The following PDE10A variants were observed in gnomAD, a reference collection of about 807,000 sequenced individuals.
The protein encoded by PDE10A is cAMP and cAMP-inhibited cGMP 3',5'-cyclic phosphodiesterase 10A.
In PDE10A, 39 loss-of-function variants were observed where a neutral mutation model predicts 97.7. The ratio of observed to expected loss-of-function variants is 0.40; its 90% CI spans 0.31 to 0.52. The LOEUF (loss-of-function observed/expected upper bound fraction) is 0.52, where lower values mean the gene tolerates loss of function less well. PDE10A is among the 20% of genes least tolerant of loss of function. PDE10A has a pLI of 0.56. For synonymous variants in PDE10A, 371 were observed against 376.8 expected (o/e 0.98, Z 0.18); for missense variants, 731 against 1,047.8 (o/e 0.70, Z 4.17).
At chr6:165,369,130 A>T (rs1784026669) in intron 18 of PDE10A, among the ~76,000 whole-genome samples, 2 of 152,128 alleles carry the variant, frequency 1.3e-5, no homozygotes, top group Non-Finnish European at 2.9e-5. Context: ...AGATGGGGAA[A>T]AAACAGAGCA....
rs539947290 is a variant in PDE10A at position 165,808,062 on chromosome 6, T to C, written c.-615+179467A>G. ...GTCTTGCGGTGTGCAGCCGAATTTC[T>C]ACGGCCTCACGTGCTCTGCTTCTGT... On this transcript the variant is annotated intron_variant, in intron 1 of 19. Transcript: ENST00000366882. Among the ~76,000 whole-genome samples the C allele has an allele frequency of 6.6e-5, 10 of 152,326 alleles. No individual in the cohort carries two copies. In the South Asian group the frequency reaches 1.5e-3, roughly 22 times the overall value.
At chr6:165,721,473 A>T (rs1433592977) in intron 1 of PDE10A, among the ~76,000 whole-genome samples, 1 of 152,224 alleles carries the variant, frequency 6.6e-6, no homozygotes, top group African/African-American at 2.4e-5. Flanking sequence ...TGCAGGAGAC[A>T]CTTTTTGTCA....
At chr6:165,477,979 C>A (rs1236271028) in intron 3 of PDE10A, among the ~76,000 whole-genome samples, 1 of 152,148 alleles carries the variant, frequency 6.6e-6, no homozygotes, top group Non-Finnish European at 1.5e-5. Context: ...GGTCTTGACT[C>A]TTTTCTCCAC....
intron 1 of PDE10A, among the ~76,000 whole-genome samples, chr6:165,657,453 C>T (rs1192181467): frequency 2.6e-5 from 4 of 152,224 alleles, no homozygotes; most frequent in African/African-American, 9.6e-5. Flanking sequence ...TATTTTTTCT[C>T]TCAGATTGCA....
rs577692393 is a variant in PDE10A, at chr6:165,833,394, C to T, written c.-615+154135G>A. 5.3e-5 allele frequency among the ~76,000 whole-genome samples: 8 copies of T among 152,174 alleles called. No individual in the cohort carries two copies. The South Asian group carries it at 1.7e-3, about 32-fold the overall frequency. ...GTGAGGTGGGAAGGCTAATCTCATA[C>T]CCTGGGTGGGAAATACAGAGAGGAC... On this transcript the variant is annotated intron_variant, in intron 1 of 19. Coordinates refer to the PDE10A transcript ENST00000366882.
At chr6:165,716,109 C>T (rs1792020178) in intron 1 of PDE10A, among the ~76,000 whole-genome samples, 1 of 152,196 alleles carries the variant, frequency 6.6e-6, no homozygotes, top group Non-Finnish European at 1.5e-5. Context: ...GGATGAAGCC[C>T]AGGTGCCAGG....
At chr6:165,987,502 T>C in intron 1 of PDE10A, 1 of 355,914 alleles carries the variant, frequency 2.8e-6, no homozygotes, top group Non-Finnish European at 5.6e-6. Flanking sequence ...AAGGGTTAAA[T>C]AATAGGTAAA....
intron 1 of PDE10A, among the ~76,000 whole-genome samples, chr6:165,911,521 C>T (rs1782453354): frequency 6.6e-6 from 1 of 152,048 alleles, no homozygotes; most frequent in Non-Finnish European, 1.5e-5. Context: ...AAGGGTGACT[C>T]TTCACTGCTA....
chr6:165,539,765 A>T (rs1783314222), intron 2 of PDE10A, among the ~76,000 whole-genome samples: 1 of 151,984 alleles, frequency 6.6e-6, no homozygotes, highest in Non-Finnish European at 1.5e-5. Flanking sequence ...TAATAAAAAA[A>T]AAAATACAAA....
chr6:165,558,373 A>C (rs2128335702), intron 1 of PDE10A, among the ~76,000 whole-genome samples: 1 of 151,530 alleles, frequency 6.6e-6, no homozygotes. Flanking sequence ...CAAACACCAT[A>C]TGTTCTCAAT....
At chr6:165,818,514 T>C (rs1203996268) in intron 1 of PDE10A, among the ~76,000 whole-genome samples, 1 of 152,172 alleles carries the variant, frequency 6.6e-6, no homozygotes, top group African/African-American at 2.4e-5. Flanking sequence ...TGCAAGCTGG[T>C]TTATGTAGAA....
intron 1 of PDE10A, among the ~76,000 whole-genome samples, chr6:165,627,438 A>G (rs1056274241): frequency 1.4e-4 from 22 of 152,268 alleles, no homozygotes; most frequent in African/African-American, 5.3e-4. Flanking sequence ...GGAACTAAAT[A>G]AAGATGATGC....
chr6:165,601,634 T>C (rs1225812521), intron 1 of PDE10A, among the ~76,000 whole-genome samples: 1 of 152,218 alleles, frequency 6.6e-6, no homozygotes, highest in African/African-American at 2.4e-5. Flanking sequence ...CCTGAAGTTT[T>C]CGTGTTAAGA....
intron 1 of PDE10A, among the ~76,000 whole-genome samples, chr6:165,618,726 G>C (rs1213846443): frequency 1.3e-5 from 2 of 152,196 alleles, no homozygotes; most frequent in African/African-American, 2.4e-5. Flanking sequence ...GTCCAGAAAG[G>C]GGTGATTTGT....
chr6:165,465,884 T>C (rs1433985214), intron 3 of PDE10A, among the ~76,000 whole-genome samples: 2 of 152,146 alleles, frequency 1.3e-5, no homozygotes, highest in African/African-American at 2.4e-5. Context: ...AGGAGTAGCA[T>C]AGTTCCGAAG....
intron 1 of PDE10A, among the ~76,000 whole-genome samples, chr6:165,976,746 G>A (rs1023809554): frequency 6.6e-6 from 1 of 152,192 alleles, no homozygotes; most frequent in Non-Finnish European, 1.5e-5. Context: ...CACACAGAGA[G>A]TCACGTCTTC....
At chr6:165,961,949 C>T (rs1008042078) in intron 1 of PDE10A, among the ~76,000 whole-genome samples, 1 of 152,226 alleles carries the variant, frequency 6.6e-6, no homozygotes, top group Non-Finnish European at 1.5e-5. Flanking sequence ...TTTTGTGGAG[C>T]ATTATTTGCC....
At chr6:165,724,919 G>C (rs1053040690) in intron 1 of PDE10A, among the ~76,000 whole-genome samples, 1 of 152,206 alleles carries the variant, frequency 6.6e-6, no homozygotes, top group Non-Finnish European at 1.5e-5. Context: ...GATATGGGAG[G>C]GGGGCTCGCA....
chr6:165,805,356 C>T (rs1039932083), intron 1 of PDE10A, among the ~76,000 whole-genome samples: 7 of 152,118 alleles, frequency 4.6e-5, no homozygotes, highest in African/African-American at 9.7e-5. Context: ...TCTCCCAGGG[C>T]CCCGGAGGGA....
Sources: gnomAD v4.1 joint callset for allele counts (sites outside exome capture counted in the v4.1 genomes callset) on GRCh38, gnomAD v4.1.1 for gene constraint, MANE v1.5 for transcripts, NCBI Gene and HGNC (gene_info 2026-07-23, HGNC 2026-07-21) for gene names.